Variants in UNC13C observed in about 807,000 individuals in gnomAD.
UNC13C encodes unc-13 homolog C.
Under a neutral mutation model 245.4 loss-of-function variants are expected in UNC13C, and 174 were observed. The observed-to-expected ratio is 0.71, with a 90% CI of 0.63 to 0.80. UNC13C has a LOEUF of 0.80. Among genes scored for constraint, UNC13C ranks in the 30% least tolerant of loss-of-function variants. The pLI, the probability that UNC13C is intolerant of heterozygous loss-of-function variation, is 0.00. For missense variants in UNC13C, 2,829 were observed against 2,602.9 expected, an observed-to-expected ratio of 1.09 and a Z score of -1.89; for synonymous variants, 992 against 895.1, an observed-to-expected ratio of 1.11 and a Z score of -1.93.
At chr15:53,884,299 A>G in the UNC13C span, among the ~76,000 whole-genome samples, 1 of 151,962 alleles carries the variant, frequency 6.6e-6, no homozygotes, top group Admixed American at 6.6e-5. Flanking sequence ...TTTCTCAGTA[A>G]TTTCCCAGGA....
intron 2 of UNC13C, among the ~76,000 whole-genome samples, chr15:54,114,612 C>T (rs1038731810): frequency 2.6e-5 from 4 of 152,000 alleles, no homozygotes; most frequent in African/African-American, 9.7e-5. Flanking sequence ...ATTTATACCA[C>T]ATCATATTTT....
At chr15:53,876,092 A>G in the UNC13C span, among the ~76,000 whole-genome samples, 1 of 152,224 alleles carries the variant, frequency 6.6e-6, no homozygotes, top group African/African-American at 2.4e-5. Flanking sequence ...AAGATAAAAT[A>G]TTTTTCTTTT....
chr15:53,995,373 A>G (rs2140966126), intron 1 of UNC13C, among the ~76,000 whole-genome samples: 1 of 152,254 alleles, frequency 6.6e-6, no homozygotes, highest in Non-Finnish European at 1.5e-5. Flanking sequence ...TCTTCAACCT[A>G]GAAATCAATC....
intron 4 of UNC13C, among the ~76,000 whole-genome samples, chr15:54,187,203 A>T (rs74016101): frequency 0.027 from 4,158 of 152,114 alleles, 129 homozygotes; most frequent in African/African-American, 0.078. Context: ...ATAAAATATA[A>T]TATCTCCTGA....
chr15:54,588,614 T>C (rs1898610125), intron 30 of UNC13C, among the ~76,000 whole-genome samples: 1 of 152,170 alleles, frequency 6.6e-6, no homozygotes, highest in Non-Finnish European at 1.5e-5. Flanking sequence ...CTGCGCCATA[T>C]TTCTTGTCTT....
At chr15:54,176,190 GT>G (rs3082176) in intron 4 of UNC13C, among the ~76,000 whole-genome samples, 93,867 of 151,398 alleles carry the variant, frequency 0.62, 30,593 homozygotes, top group Non-Finnish European at 0.73. Flanking sequence ...CAAGATCGTA[GT>G]TTTTTTTTTC....
chr15:53,870,690 T>C, the UNC13C span, among the ~76,000 whole-genome samples: 417 of 152,298 alleles, frequency 2.7e-3, 2 homozygotes, highest in African/African-American at 9.4e-3. Context: ...CAGCACTTCA[T>C]GTACTTTAGC....
At chr15:53,842,049 G>C in the UNC13C span, among the ~76,000 whole-genome samples, 2 of 152,136 alleles carry the variant, frequency 1.3e-5, no homozygotes, top group Non-Finnish European at 2.9e-5. Context: ...ACATGAGTAA[G>C]AACATTGAAC....
chr15:53,882,030 G>A, the UNC13C span, among the ~76,000 whole-genome samples: 1 of 152,122 alleles, frequency 6.6e-6, no homozygotes, highest in African/African-American at 2.4e-5. Context: ...TAGGTTTGAG[G>A]ATATCCAGAA....
chr15:54,451,351 A>G lies in UNC13C; in HGVS notation c.4933+36284A>G, dbSNP rs189416634. ...TATGTAAGGGATGTAAGCTTTACCT[A>G]ATATTTTGTTAAATAGGTTTTTTTT... On this transcript the variant is annotated intron_variant, in intron 19 of 32. Transcript: ENST00000260323. 5.5e-4 allele frequency among the ~76,000 whole-genome samples: 84 copies of G among 152,244 alleles called. 1 individual carries two copies. Among genetic ancestry groups the G allele is most frequent in the Non-Finnish European group, 7.4e-5 (5 of 68,004 alleles).
At chr15:54,269,283 A>G (rs1025619223) in intron 10 of UNC13C, among the ~76,000 whole-genome samples, 8 of 151,998 alleles carry the variant, frequency 5.3e-5, no homozygotes, top group African/African-American at 1.9e-4. Flanking sequence ...ACTCTTTGAT[A>G]TATTTTGCTC....
intron 10 of UNC13C, among the ~76,000 whole-genome samples, chr15:54,288,202 C>T (rs973555222): frequency 6.6e-6 from 1 of 152,144 alleles, no homozygotes; most frequent in African/African-American, 2.4e-5. Flanking sequence ...CTGGTCCTAG[C>T]AACAGAAGTA....
At chr15:54,237,562 A>G (rs745694875) in intron 6 of UNC13C, 57 bp from the exon 7 acceptor site, 1 of 1,275,862 alleles carries the variant, frequency 7.8e-7, no homozygotes, top group Non-Finnish European at 1.1e-6. Context: ...TCTGCTGAGC[A>G]GTATATGCAC....
intron 17 of UNC13C, among the ~76,000 whole-genome samples, chr15:54,380,964 G>A (rs1378638595): frequency 6.6e-6 from 1 of 152,014 alleles, no homozygotes; most frequent in Non-Finnish European, 1.5e-5. Flanking sequence ...TTTTTGTTTA[G>A]TGTAAACCCA....
At chr15:54,624,043 A>G in intron 32 of UNC13C, 89 bp downstream of exon 32, 3 of 1,492,226 alleles carry the variant, frequency 2.0e-6, no homozygotes, top group Non-Finnish European at 2.7e-6. Flanking sequence ...TGAAGGGCTA[A>G]GGAAAATGAA....
chr15:54,196,533 AG>A (rs1250858293), intron 4 of UNC13C, among the ~76,000 whole-genome samples: 1 of 152,198 alleles, frequency 6.6e-6, no homozygotes, highest in Admixed American at 6.6e-5. Context: ...AGTACGAAGC[AG>A]GAAAGTTGCA....
chr15:54,420,410 A>T (rs1354742001), intron 19 of UNC13C, among the ~76,000 whole-genome samples: 3 of 151,680 alleles, frequency 2.0e-5, no homozygotes, highest in Non-Finnish European at 4.4e-5. Context: ...GAAAAGGCAG[A>T]AGCTGCCATC....
chr15:53,888,664 G>A, the UNC13C span, among the ~76,000 whole-genome samples: 24 of 152,176 alleles, frequency 1.6e-4, no homozygotes, highest in Admixed American at 9.2e-4. Flanking sequence ...GTTTTCTTCT[G>A]TGGTTTTTAT....
intron 19 of UNC13C, among the ~76,000 whole-genome samples, chr15:54,469,572 A>C (rs1892351611): frequency 6.6e-6 from 1 of 151,584 alleles, no homozygotes; most frequent in South Asian, 2.1e-4. Flanking sequence ...ATTAATGCAT[A>C]TCCTTTCATA....
Sources: gnomAD v4.1 joint callset for allele counts (sites outside exome capture counted in the v4.1 genomes callset) on GRCh38, gnomAD v4.1.1 for gene constraint, MANE v1.5 for transcripts, NCBI Gene and HGNC (gene_info 2026-07-23, HGNC 2026-07-21) for gene names.